HMCN1: variants seen among roughly 807,000 people sequenced by gnomAD.
HMCN1 encodes the protein hemicentin 1.
HMCN1 carries 321 observed loss-of-function variants against 625.9 expected under a neutral mutation model. The ratio of observed to expected loss-of-function variants is 0.51; its 90% CI spans 0.47 to 0.56. The LOEUF is 0.56. Ranked by LOEUF, HMCN1 falls within the 20% of genes least tolerant of loss-of-function variation. The pLI is 0.00. For synonymous variants in HMCN1, 2,425 were observed against 2,417.6 expected (o/e 1.00, Z -0.09); for missense variants, 6,588 against 6,887.3 (o/e 0.96, Z 1.54).
intron 30 of HMCN1, among the ~76,000 whole-genome samples, chr1:186,014,674 C>CA (rs1243973416): frequency 2.6e-5 from 4 of 151,194 alleles, no homozygotes; most frequent in Admixed American, 2.0e-4. Context: ...ACCTCCCCCC[C>CA]AAAAAAAGAA....
At chr1:185,851,519 T>A (rs1662160303) in intron 2 of HMCN1, among the ~76,000 whole-genome samples, 1 of 152,158 alleles carries the variant, frequency 6.6e-6, no homozygotes. Context: ...CTCTTTCATC[T>A]GGAATACAGA....
intron 1 of HMCN1, among the ~76,000 whole-genome samples, chr1:185,789,365 G>C (rs902994926): frequency 6.6e-6 from 1 of 152,134 alleles, no homozygotes; most frequent in Admixed American, 6.5e-5. Context: ...TAGGTTCAGG[G>C]AGGTTTAACA....
intron 1 of HMCN1, among the ~76,000 whole-genome samples, chr1:185,828,328 T>C (rs1660649437): frequency 6.6e-6 from 1 of 152,156 alleles, no homozygotes; most frequent in Admixed American, 6.5e-5. Flanking sequence ...GTGAGGGTCA[T>C]GGTCTTGATG....
Position 186,120,028 on chromosome 1 carries a change from C to T in HMCN1, c.12112C>T (p.Leu4038Phe). The change falls in exon 80 of 107, where the codon CTT becomes TTT. Residue 4038 changes from leucine to phenylalanine, a missense_variant. Coordinates refer to ENST00000271588, the MANE Select transcript of HMCN1 (RefSeq NM_031935.3). Reference protein sequence around the residue: ...VNTSGRNHAVLPSGGLQISRA... With the variant: ...VNTSGRNHAVFPSGGLQISRA... Reference sequence around the variant, plus strand: ...TGTTGTAGGCAGAAACCATGCAGTTCTTCCTAGTGGCGGCTTACAGATCTC... The same window carrying T: ...TGTTGTAGGCAGAAACCATGCAGTTTTTCCTAGTGGCGGCTTACAGATCTC... 6.2e-7 allele frequency: 1 copy of T among 1,613,982 alleles called. No individual in the cohort carries two copies. The highest frequency in any genetic ancestry group is 8.5e-7 in the Non-Finnish European group (1 of 1,179,962).
intron 1 of HMCN1, among the ~76,000 whole-genome samples, chr1:185,736,466 T>C (rs1263837487): frequency 3.3e-5 from 5 of 152,246 alleles, no homozygotes; most frequent in Admixed American, 6.5e-5. Context: ...GTTTTTGTTA[T>C]TTCGGAATAC....
chr1:186,061,720 A>G, intron 46 of HMCN1, 131 bp from the exon 47 acceptor site: 2 of 502,802 alleles, frequency 4.0e-6, no homozygotes, highest in Admixed American at 6.5e-5. Context: ...AAAAAGCTTA[A>G]CATAAATTCA....
chr1:186,158,351 A>G (rs1293868), intron 97 of HMCN1, among the ~76,000 whole-genome samples: 148,984 of 151,666 alleles, frequency 0.98, 73,177 homozygotes, highest in Middle Eastern at 1. Context: ...ATTGTCAGAT[A>G]AGTAGGTTGC....
At chr1:185,900,577 C>T (rs1482904019) in intron 4 of HMCN1, among the ~76,000 whole-genome samples, 1 of 151,816 alleles carries the variant, frequency 6.6e-6, no homozygotes, top group Non-Finnish European at 1.5e-5. Flanking sequence ...ACATATATTG[C>T]CACTAGTATT....
chr1:185,877,496 G>A (rs955567370), intron 4 of HMCN1, among the ~76,000 whole-genome samples: 2 of 151,182 alleles, frequency 1.3e-5, no homozygotes, highest in Non-Finnish European at 3.0e-5. Context: ...CTAATTCTGT[G>A]AAAAACAACA....
chr1:186,033,691 G>A (rs7544709), intron 36 of HMCN1, among the ~76,000 whole-genome samples: 94,159 of 151,958 alleles, frequency 0.62, 30,311 homozygotes, highest in African/African-American at 0.81. Context: ...TAAAGTTTTT[G>A]TCTAGTAAAT....
chr1:185,806,466 G>C (rs1659175272), intron 1 of HMCN1, among the ~76,000 whole-genome samples: 2 of 149,650 alleles, frequency 1.3e-5, no homozygotes, highest in Non-Finnish European at 3.0e-5. Context: ...AGGATTGCTT[G>C]AGCCCAGGAG....
At chr1:186,179,648 C>T (rs1406645519) in intron 104 of HMCN1, among the ~76,000 whole-genome samples, 2 of 152,084 alleles carry the variant, frequency 1.3e-5, no homozygotes, top group African/African-American at 2.4e-5. Flanking sequence ...ATTCAAAGCC[C>T]ACTATGCCAG....
rs750826149 is a variant in HMCN1, at chr1:186,086,357, T to C, written c.8996T>C (p.Leu2999Pro). ...SGFPPPDLSW[L>P]KNEQPIKLNT... is the part of the protein sequence containing the mutation. Reference sequence around the variant, plus strand: ...TTTCCACCTCCTGACCTCAGCTGGCTCAAGAATGAACAGCCCATCAAACTG... The same window carrying C: ...TTTCCACCTCCTGACCTCAGCTGGCCCAAGAATGAACAGCCCATCAAACTG... Residue 2999 changes from leucine (L) to proline (P), a missense_variant, in exon 58 of 107, where the codon CTC becomes CCC. By Grantham distance (98) the Leu-to-Pro change is moderately conservative. Around this residue, in one of 3 missense-constraint regions of HMCN1, gnomAD observed 4,628 missense variants for 4,853.1 expected, o/e 0.95. Coordinates refer to ENST00000271588, the MANE Select transcript of HMCN1 (RefSeq NM_031935.3). 1.2e-6 allele frequency: 2 copies of C among 1,613,378 alleles called. No homozygotes were observed. Among genetic ancestry groups the C allele is most frequent in the Non-Finnish European group, 8.5e-7 (1 of 1,179,576 alleles).
chr1:185,913,264 T>A (rs1263029555), intron 6 of HMCN1, among the ~76,000 whole-genome samples: 1 of 152,214 alleles, frequency 6.6e-6, no homozygotes, highest in Non-Finnish European at 1.5e-5. Context: ...CCTGCCTGTT[T>A]TTTTTCCACC....
At chr1:185,809,630 C>G (rs527377388) in intron 1 of HMCN1, among the ~76,000 whole-genome samples, 4 of 151,998 alleles carry the variant, frequency 2.6e-5, no homozygotes, top group African/African-American at 9.6e-5. Context: ...TACAGTGGCA[C>G]TCCTGGAAAT....
chr1:185,744,527 A>G (rs893785302), intron 1 of HMCN1, among the ~76,000 whole-genome samples: 19 of 152,186 alleles, frequency 1.2e-4, no homozygotes, highest in African/African-American at 4.3e-4. Context: ...TAGTCTATCA[A>G]TTACAGACTT....
rs138900807 is a variant in HMCN1, at chr1:186,039,782, C to T, written c.6083C>T (p.Pro2028Leu). The T allele has an allele frequency of 6.9e-5, 111 of 1,613,210 alleles. No individual in the cohort carries two copies. The highest frequency in any genetic ancestry group is 2.0e-4 in the East Asian group (9 of 44,826). Residue 2028 changes from proline (P) to leucine (L), a missense_variant, in exon 39 of 107, where the codon CCG (proline) becomes CTG (leucine). Transcript: ENST00000271588. ...NNMVAVVVNN[P>L]VRLECEARGI... ...ATGGTGGCAGTGGTGGTTAATAACC[C>T]GGTGAGGTTAGAATGTGAAGCCAGA...
chr1:186,116,860 G>C, intron 75 of HMCN1, 134 bp from the exon 76 acceptor site: 1 of 995,236 alleles, frequency 1.0e-6, no homozygotes, highest in Non-Finnish European at 1.5e-6. Flanking sequence ...TGGCCTCAGG[G>C]ACATGATGTT....
At chr1:186,085,249 C>G (rs576690591) in intron 57 of HMCN1, among the ~76,000 whole-genome samples, 1 of 152,140 alleles carries the variant, frequency 6.6e-6, no homozygotes, top group Non-Finnish European at 1.5e-5. Flanking sequence ...TGCTTTAACA[C>G]GACCAGAGAC....
Sources: gnomAD v4.1 joint callset for allele counts (sites outside exome capture counted in the v4.1 genomes callset) on GRCh38, gnomAD v4.1.1 for gene constraint, gnomAD v4.1.1 regional missense constraint, MANE v1.5 for transcripts, NCBI Gene and HGNC (gene_info 2026-07-23, HGNC 2026-07-21) for gene names.